The following CRPPA variants were observed in gnomAD, a reference collection of about 807,000 sequenced individuals.
The protein encoded by CRPPA is CDP-L-ribitol pyrophosphorylase A.
Under a neutral mutation model 52.0 loss-of-function variants are expected in CRPPA, and 43 were observed. The observed-to-expected ratio is 0.83, with a 90% CI of 0.65 to 1.07. CRPPA has a LOEUF of 1.07. Among genes scored for constraint, CRPPA ranks in the 50% least tolerant of loss-of-function variants. The pLI is 0.00. For missense variants in CRPPA, 629 were observed against 551.7 expected (o/e 1.14, Z -1.40); for synonymous variants, 250 against 203.5 (o/e 1.23, Z -1.94).
intron 8 of CRPPA, among the ~76,000 whole-genome samples, chr7:16,230,542 T>C (rs1266254363): frequency 1.3e-5 from 2 of 152,196 alleles, no homozygotes; most frequent in Admixed American, 1.3e-4. Flanking sequence ...CACTGTTTTC[T>C]TCATTGTGTT....
At chr7:16,341,270 A>G (rs1018855112) in intron 3 of CRPPA, among the ~76,000 whole-genome samples, 20 of 152,062 alleles carry the variant, frequency 1.3e-4, no homozygotes, top group Non-Finnish European at 1.5e-5. Flanking sequence ...TAATGTATCA[A>G]TGTAAGTTCA....
At chr7:16,342,806 G>GATATAC (rs1785903753) in intron 3 of CRPPA, among the ~76,000 whole-genome samples, 2 of 101,848 alleles carry the variant, frequency 2.0e-5, no homozygotes, top group Non-Finnish European at 4.0e-5. Flanking sequence ...TATCTATATA[G>GATATAC]ATATATAGAT....
At chr7:16,169,631 G>A (rs115398393) in intron 9 of CRPPA, among the ~76,000 whole-genome samples, 22 of 152,308 alleles carry the variant, frequency 1.4e-4, no homozygotes, top group African/African-American at 5.1e-4. Context: ...ACATTGTCCA[G>A]CTAACTCACA....
chr7:16,336,521 A>T (rs1299519481), intron 3 of CRPPA, among the ~76,000 whole-genome samples: 1 of 150,442 alleles, frequency 6.6e-6, no homozygotes, highest in Non-Finnish European at 1.5e-5. Flanking sequence ...AAAGCATACC[A>T]CCACAAAAAA....
chr7:16,206,709 G>A (rs1470285590), intron 9 of CRPPA, among the ~76,000 whole-genome samples: 1 of 151,992 alleles, frequency 6.6e-6, no homozygotes, highest in African/African-American at 2.4e-5. Flanking sequence ...GAATGATACA[G>A]TGATTACAAA....
In CRPPA at chr7:16,254,847, G is replaced by GAAAGAA. The variant is rs1562588903; in HGVS notation, c.1119+3537_1119+3542dup. Among the ~76,000 whole-genome samples the GAAAGAA allele has an allele frequency of 2.9e-3, 385 of 131,884 alleles. 4 individuals carry two copies. Among genetic ancestry groups the GAAAGAA allele is most frequent in the African/African-American group, 0.011 (381 of 34,892 alleles). The allele number at this position is 131,884 out of a possible 152,430, so 86.5% of individuals were successfully genotyped here. A position where few individuals can be genotyped will look rare whatever the true frequency, so the allele number is the denominator to read the frequency against. ...AAAGAAAGAAAGAAAGAAAGAAAGA[G>GAAAGAA]AAAGAAGAAAGAAAGAAAGAAAGAG... On this transcript the variant is annotated intron_variant, in intron 8 of 9. Coordinates refer to ENST00000407010, the MANE Select transcript of CRPPA (RefSeq NM_001101426.4).
Position 16,421,462 on chromosome 7 carries a change from A to G in CRPPA, c.-140T>C. The G allele has an allele frequency of 2.5e-6, 2 of 812,334 alleles. No homozygotes were observed. The highest frequency in any genetic ancestry group is 1.6e-6 in the Non-Finnish European group (1 of 613,230). 50.3% of individuals were successfully genotyped at this position (812,334 alleles called of 1,614,324 possible). On this transcript the variant is annotated 5_prime_UTR_variant, in exon 1 of 10. Transcript: ENST00000407010. Reference sequence around the variant, plus strand: ...CGCGCAAGCAGAAGGCGCCCCCCTCAGCCGTCGGAGCCCCGCTGTTGCTGC... The same window carrying G: ...CGCGCAAGCAGAAGGCGCCCCCCTCGGCCGTCGGAGCCCCGCTGTTGCTGC...
chr7:16,342,814 G>GATATAGAT (rs1210471613), intron 3 of CRPPA, among the ~76,000 whole-genome samples: 1 of 69,478 alleles, frequency 1.4e-5, no homozygotes, highest in Non-Finnish European at 2.8e-5. Flanking sequence ...TAGATATATA[G>GATATAGAT]ATATACATAT....
chr7:16,125,265 A>G (rs918509183), intron 9 of CRPPA, among the ~76,000 whole-genome samples: 1 of 150,734 alleles, frequency 6.6e-6, no homozygotes, highest in Non-Finnish European at 1.5e-5. Flanking sequence ...CTCAAAAAAA[A>G]AAAAAAAAAA....
chr7:16,322,057 A>G (rs374158220), intron 3 of CRPPA, among the ~76,000 whole-genome samples: 4 of 152,304 alleles, frequency 2.6e-5, no homozygotes, highest in South Asian at 2.1e-4. Context: ...TTGGACTTTT[A>G]GCCTCCAAAA....
intron 3 of CRPPA, among the ~76,000 whole-genome samples, chr7:16,359,800 C>T (rs1349930624): frequency 1.3e-5 from 2 of 150,550 alleles, no homozygotes; most frequent in African/African-American, 2.5e-5. Flanking sequence ...TTTTATTCTC[C>T]ACTTTTAACT....
intron 8 of CRPPA, among the ~76,000 whole-genome samples, chr7:16,240,308 C>T (rs559679278): frequency 6.6e-6 from 1 of 151,368 alleles, no homozygotes; most frequent in Non-Finnish European, 1.5e-5. Context: ...CTTACTACAT[C>T]AGCAGAAAAC....
At chr7:16,160,352 T>C (rs1030064502) in intron 9 of CRPPA, among the ~76,000 whole-genome samples, 25 of 152,216 alleles carry the variant, frequency 1.6e-4, no homozygotes, top group African/African-American at 6.0e-4. Context: ...GAATAAGGTA[T>C]AAGGAAGGGG....
intron 4 of CRPPA, among the ~76,000 whole-genome samples, chr7:16,307,025 T>C (rs528024881): frequency 6.6e-6 from 1 of 152,324 alleles, no homozygotes; most frequent in African/African-American, 2.4e-5. Flanking sequence ...GTGAGGCTGA[T>C]CATGTTACTG....
At chr7:16,341,075 G>C (rs1435063576) in intron 3 of CRPPA, among the ~76,000 whole-genome samples, 1 of 152,186 alleles carries the variant, frequency 6.6e-6, no homozygotes, top group East Asian at 1.9e-4. Context: ...AATCATCAGG[G>C]GTTGTTAGAT....
intron 8 of CRPPA, among the ~76,000 whole-genome samples, chr7:16,223,949 T>G (rs1424338717): frequency 6.6e-6 from 1 of 152,194 alleles, no homozygotes; most frequent in Non-Finnish European, 1.5e-5. Context: ...GTATTTCCCA[T>G]GCAGTGTGAC....
intron 3 of CRPPA, among the ~76,000 whole-genome samples, chr7:16,361,352 C>T (rs912036496): frequency 1.3e-5 from 2 of 152,178 alleles, no homozygotes; most frequent in African/African-American, 4.8e-5. Flanking sequence ...AGTATTTCCA[C>T]TTCTAGGCAT....
At chr7:16,261,618 T>C (rs1365979234) in intron 6 of CRPPA, among the ~76,000 whole-genome samples, 4 of 151,972 alleles carry the variant, frequency 2.6e-5, no homozygotes, top group Admixed American at 6.6e-5. Context: ...AGAAAAGCCG[T>C]AACATTTTTA....
rs78192508 is a variant in CRPPA at position 16,147,559 on chromosome 7, G to A, written c.1252-55760C>T. On this transcript the variant is annotated intron_variant, in intron 9 of 9. Coordinates refer to ENST00000407010, the MANE Select transcript of CRPPA (RefSeq NM_001101426.4). ...TGTTCAATAAGTAAAATAACTTATT[G>A]AAGAAAATCAGTAAGTTCAAGTAAA... 6.1e-3 allele frequency among the ~76,000 whole-genome samples: 928 copies of A among 152,136 alleles called. 12 individuals carry two copies. Among genetic ancestry groups the A allele is most frequent in the African/African-American group, 0.021 (874 of 41,488 alleles).
Sources: gnomAD v4.1 joint callset for allele counts (sites outside exome capture counted in the v4.1 genomes callset) on GRCh38, gnomAD v4.1.1 for gene constraint, MANE v1.5 for transcripts, NCBI Gene and HGNC (gene_info 2026-07-23, HGNC 2026-07-21) for gene names.